The following GRID1 variants were observed in gnomAD, a reference collection of about 807,000 sequenced individuals.
The protein encoded by GRID1 is glutamate ionotropic receptor delta type subunit 1.
GRID1 carries 28 observed loss-of-function variants against 98.0 expected under a neutral mutation model. That is an observed-to-expected ratio of 0.29 (90% CI 0.21 to 0.39). The LOEUF (loss-of-function observed/expected upper bound fraction) is 0.39, where lower values mean the gene tolerates loss of function less well. GRID1 is among the 10% of genes least tolerant of loss of function. GRID1 has a pLI of 1.00. For missense variants in GRID1, 1,111 were observed against 1,340.5 expected (o/e 0.83, Z 2.67); for synonymous variants, 553 against 538.5 (o/e 1.03, Z -0.37).
At chr10:85,932,066 C>A (rs1841861194) in intron 4 of GRID1, among the ~76,000 whole-genome samples, 1 of 152,324 alleles carries the variant, frequency 6.6e-6, no homozygotes, top group South Asian at 2.1e-4. Flanking sequence ...GTACCACCTG[C>A]CTAACCTGGG....
rs1845812846 is a variant in GRID1 at position 86,192,268 on chromosome 10, AG to A, written c.520+14095del. Reference sequence around the variant, plus strand: ...ACCCTCAGAAAGCCAAGTGGACCAAAGGTAGAAGCAACCCTTAAGTGTCCAT... The same window carrying A: ...ACCCTCAGAAAGCCAAGTGGACCAAAGTAGAAGCAACCCTTAAGTGTCCAT... On this transcript the variant is annotated intron_variant, in intron 3 of 15. Transcript: ENST00000327946. This position sits in a 1 kb window ranked among gnomAD's most constrained non-coding sequence, Gnocchi z 4.8. Among the ~76,000 whole-genome samples the A allele has an allele frequency of 6.6e-6, 1 of 152,204 alleles. No individual in the cohort carries two copies. The highest frequency in any genetic ancestry group is 2.4e-5 in the African/African-American group (1 of 41,442).
At chr10:86,131,397 T>C (rs1844835295) in intron 4 of GRID1, among the ~76,000 whole-genome samples, 3 of 152,166 alleles carry the variant, frequency 2.0e-5, no homozygotes, top group African/African-American at 7.2e-5. Context: ...TGCTGCCTCC[T>C]TGGCCAAAGG....
Position 86,026,789 on chromosome 10 carries a change from G to A in GRID1, c.727-110550C>T, listed in dbSNP as rs966496537. On this transcript the variant is annotated intron_variant, in intron 4 of 15. Transcript: ENST00000327946. ...CTATGCTGGATGACCAGAGACTGGT[G>A]CTTATGGTGGCAGGTCCAGCCCTCA... is the stretch of plus-strand genomic sequence containing the variant. 1.6e-4 allele frequency among the ~76,000 whole-genome samples: 25 copies of A among 152,338 alleles called. 1 individual carries two copies. The highest frequency in any genetic ancestry group is 1.0e-3 in the Admixed American group (16 of 15,310).
chr10:85,788,293 C>A (rs1183659980), intron 8 of GRID1, among the ~76,000 whole-genome samples: 8 of 152,044 alleles, frequency 5.3e-5, no homozygotes, highest in Non-Finnish European at 1.0e-4. Context: ...GTGAGCCTGG[C>A]CAGAAGAGGC....
At chr10:85,630,611 C>A (rs954042733) in intron 13 of GRID1, among the ~76,000 whole-genome samples, 4 of 152,012 alleles carry the variant, frequency 2.6e-5, no homozygotes, top group South Asian at 4.1e-4. Context: ...GGAAGAGGGG[C>A]ACAGGTGGTC....
At chr10:86,153,891 C>T (rs983380977) in intron 3 of GRID1, among the ~76,000 whole-genome samples, 7 of 149,714 alleles carry the variant, frequency 4.7e-5, no homozygotes, top group Admixed American at 1.3e-4. Flanking sequence ...AGGGTGGGGG[C>T]GGGGAGGCAG....
chr10:85,629,858 C>A (rs1245635108), intron 13 of GRID1, among the ~76,000 whole-genome samples: 2 of 152,172 alleles, frequency 1.3e-5, no homozygotes, highest in Non-Finnish European at 1.5e-5. Context: ...TTCTCTGCAT[C>A]CTCACTAACA....
chr10:85,782,996 A>T (rs895504105), intron 8 of GRID1, among the ~76,000 whole-genome samples: 2 of 152,150 alleles, frequency 1.3e-5, no homozygotes, highest in African/African-American at 4.8e-5. Context: ...TAAAAAGATG[A>T]TCTCTCCACG....
chr10:85,661,610 G>A (rs377381440), intron 12 of GRID1, among the ~76,000 whole-genome samples: 1 of 152,190 alleles, frequency 6.6e-6, no homozygotes, highest in Non-Finnish European at 1.5e-5. Context: ...GACCCAGGGA[G>A]CTTGTCCCCA....
At chr10:86,309,601 C>G (rs111645125) in intron 2 of GRID1, among the ~76,000 whole-genome samples, 2 of 152,134 alleles carry the variant, frequency 1.3e-5, no homozygotes, top group East Asian at 1.9e-4. Context: ...CTGGCAGCAC[C>G]GCGTGGGAGG....
At chr10:86,017,467 G>A (rs1481957277) in intron 4 of GRID1, among the ~76,000 whole-genome samples, 4 of 152,260 alleles carry the variant, frequency 2.6e-5, no homozygotes, top group South Asian at 2.1e-4. Context: ...ATCAGCATGC[G>A]GAGACAGAAC....
At chr10:85,996,532 T>C (rs1200979648) in intron 4 of GRID1, among the ~76,000 whole-genome samples, 1 of 152,142 alleles carries the variant, frequency 6.6e-6, no homozygotes, top group East Asian at 1.9e-4. Context: ...ATAGTAATGA[T>C]TCAGTCAGAA....
chr10:85,777,482 C>T lies in GRID1; in HGVS notation c.1234-47868G>A, dbSNP rs527915343. Among the ~76,000 whole-genome samples, 5 of 152,276 alleles carry T rather than the reference C, an allele frequency of 3.3e-5. No individual in the cohort carries two copies. The South Asian group carries it at 8.3e-4, about 25-fold the overall frequency. On this transcript the variant is annotated intron_variant, in intron 8 of 15. Transcript: ENST00000327946. ...ATGATTTAAGTAGAATGGGGTAGGA[C>T]CTGGGCACTGGGATTTTTAAGAGCT... is the stretch of plus-strand genomic sequence containing the variant.
In GRID1 at chr10:85,947,781, A is replaced by G. The variant is rs186086002; in HGVS notation, c.727-31542T>C. 1.3e-3 allele frequency among the ~76,000 whole-genome samples: 198 copies of G among 152,376 alleles called. 1 individual carries two copies. Among genetic ancestry groups the G allele is most frequent in the African/African-American group, 4.6e-3 (193 of 41,594 alleles). ...CCTTATTTCCTTCTGAAGGGGAAAG[A>G]AAGAGGGTCAGACGTCCCAATACAC... On this transcript the variant is annotated intron_variant, in intron 4 of 15. Transcript: ENST00000327946.
intron 4 of GRID1, among the ~76,000 whole-genome samples, chr10:86,032,829 T>TAAA (rs58350170): frequency 0.056 from 6,118 of 109,666 alleles, 245 homozygotes; most frequent in Non-Finnish European, 0.076. Flanking sequence ...AATAAATACT[T>TAAA]AAAAAAAAAA....
chr10:85,679,972 C>A (rs541804628), intron 12 of GRID1, among the ~76,000 whole-genome samples: 3 of 152,252 alleles, frequency 2.0e-5, no homozygotes, highest in Admixed American at 2.0e-4. Flanking sequence ...CGGAAAGAGT[C>A]CTGAGGCCGT....
intron 8 of GRID1, among the ~76,000 whole-genome samples, chr10:85,740,263 C>T (rs1841927407): frequency 6.6e-6 from 1 of 152,204 alleles, no homozygotes; most frequent in African/African-American, 2.4e-5. Context: ...GTTCTCTGGG[C>T]TCAAGTGTCT....
At chr10:86,219,907 G>C (rs890163966) in intron 2 of GRID1, among the ~76,000 whole-genome samples, 4 of 152,162 alleles carry the variant, frequency 2.6e-5, no homozygotes, top group African/African-American at 7.2e-5. Context: ...CCTGGGCTGT[G>C]CAAAGAGAAT....
At chr10:86,221,560 T>C (rs528945116) in intron 2 of GRID1, among the ~76,000 whole-genome samples, 1 of 152,186 alleles carries the variant, frequency 6.6e-6, no homozygotes, top group Admixed American at 6.5e-5. Flanking sequence ...TCATGTAGCC[T>C]GGGGTGTCAA....
Sources: gnomAD v4.1 joint callset for allele counts (sites outside exome capture counted in the v4.1 genomes callset) on GRCh38, gnomAD v4.1.1 for gene constraint, Gnocchi (gnomAD v3.1) non-coding constraint, MANE v1.5 for transcripts, NCBI Gene and HGNC (gene_info 2026-07-23, HGNC 2026-07-21) for gene names.